CTNNA3: variants seen among roughly 807,000 people sequenced by gnomAD.
CTNNA3 encodes the protein catenin alpha 3.
In CTNNA3, 76 loss-of-function variants were observed where a neutral mutation model predicts 95.7. The ratio of observed to expected loss-of-function variants is 0.79; its 90% confidence interval spans 0.66 to 0.96. The LOEUF is 0.96. CTNNA3 is among the 40% of genes least tolerant of loss of function. The pLI is 0.00. For missense variants in CTNNA3, 1,191 were observed against 1,089.8 expected, an observed-to-expected ratio of 1.09 and a Z score of -1.31; for synonymous variants, 431 against 374.4, an observed-to-expected ratio of 1.15 and a Z score of -1.74.
chr10:67,673,294 T>C (rs1176255002), intron 1 of CTNNA3, among the ~76,000 whole-genome samples: 1 of 148,480 alleles, frequency 6.7e-6, no homozygotes, highest in Non-Finnish European at 1.5e-5. Context: ...TATACAATCA[T>C]GTCATCTGCA....
At chr10:66,843,951 A>C (rs754823045) in intron 7 of CTNNA3, among the ~76,000 whole-genome samples, 17 of 152,242 alleles carry the variant, frequency 1.1e-4, no homozygotes, top group Non-Finnish European at 2.2e-4. Context: ...TTGACAAATA[A>C]TTGATGCCCA....
intron 3 of CTNNA3, among the ~76,000 whole-genome samples, chr10:67,548,713 T>C (rs1840921115): frequency 6.6e-6 from 1 of 151,954 alleles, no homozygotes; most frequent in Non-Finnish European, 1.5e-5. Flanking sequence ...CAATGTCTTA[T>C]ATATAACACC....
chr10:67,231,423 C>G (rs1458021302), intron 5 of CTNNA3, among the ~76,000 whole-genome samples: 2 of 152,208 alleles, frequency 1.3e-5, no homozygotes, highest in African/African-American at 2.4e-5. Flanking sequence ...AGACTGACAC[C>G]TCACAGGGCC....
At chr10:66,153,455 T>C (rs2133911004) in intron 13 of CTNNA3, among the ~76,000 whole-genome samples, 1 of 152,100 alleles carries the variant, frequency 6.6e-6, no homozygotes, top group Non-Finnish European at 1.5e-5. Flanking sequence ...TTACATACTT[T>C]GTGTGCCTAT....
intron 11 of CTNNA3, among the ~76,000 whole-genome samples, chr10:66,483,974 C>T (rs1839635517): frequency 6.6e-6 from 1 of 152,086 alleles, no homozygotes; most frequent in South Asian, 2.1e-4. Flanking sequence ...TTTTTCCCCA[C>T]TTTAGTTTAT....
At chr10:66,446,509 G>A (rs1482071282) in intron 11 of CTNNA3, among the ~76,000 whole-genome samples, 3 of 151,182 alleles carry the variant, frequency 2.0e-5, no homozygotes, top group Admixed American at 6.6e-5. Flanking sequence ...GGGATGCAAG[G>A]CTGGTTTAAC....
At chr10:66,063,790 T>C (rs1223259681) in intron 15 of CTNNA3, among the ~76,000 whole-genome samples, 3 of 152,134 alleles carry the variant, frequency 2.0e-5, no homozygotes, top group African/African-American at 7.2e-5. Context: ...AATTCTATTT[T>C]CATTATTGTA....
intron 5 of CTNNA3, among the ~76,000 whole-genome samples, chr10:67,294,426 C>T (rs1270683816): frequency 6.6e-6 from 1 of 152,022 alleles, no homozygotes; most frequent in Admixed American, 6.6e-5. Flanking sequence ...ATAATATGTT[C>T]CCTTCTGTTC....
At chr10:67,208,864 A>C (rs1193261413) in intron 6 of CTNNA3, among the ~76,000 whole-genome samples, 7 of 152,182 alleles carry the variant, frequency 4.6e-5, no homozygotes, top group Admixed American at 4.6e-4. Flanking sequence ...AAGATACACC[A>C]GGAAAATGCT....
chr10:66,620,109 C>T (rs553790915), intron 10 of CTNNA3, among the ~76,000 whole-genome samples: 5 of 152,040 alleles, frequency 3.3e-5, no homozygotes, highest in African/African-American at 4.8e-5. Flanking sequence ...ACTCTTTTAA[C>T]AACATAATGT....
At chr10:67,621,959 G>A (rs1409586751) in intron 2 of CTNNA3, among the ~76,000 whole-genome samples, 1 of 152,156 alleles carries the variant, frequency 6.6e-6, no homozygotes, top group Non-Finnish European at 1.5e-5. Flanking sequence ...CAGAGTAGTT[G>A]CAATAGAGAC....
At chr10:66,122,652 G>A (rs1292824812) in intron 13 of CTNNA3, among the ~76,000 whole-genome samples, 1 of 152,186 alleles carries the variant, frequency 6.6e-6, no homozygotes, top group East Asian at 1.9e-4. Flanking sequence ...TCATACTGCT[G>A]ATAAAGACAT....
chr10:66,536,676 C>T (rs1389035778), intron 10 of CTNNA3, among the ~76,000 whole-genome samples: 2 of 151,838 alleles, frequency 1.3e-5, no homozygotes, highest in African/African-American at 2.4e-5. Flanking sequence ...GATACTAATG[C>T]CTTTAACAGA....
At chr10:66,032,933 G>T (rs2133462346) in intron 15 of CTNNA3, among the ~76,000 whole-genome samples, 1 of 152,166 alleles carries the variant, frequency 6.6e-6, no homozygotes, top group Admixed American at 6.5e-5. Context: ...ACTTGCCCAA[G>T]GTCACCATGT....
chr10:66,594,519 A>G (rs1193943836), intron 10 of CTNNA3, among the ~76,000 whole-genome samples: 1 of 152,098 alleles, frequency 6.6e-6, no homozygotes, highest in Non-Finnish European at 1.5e-5. Flanking sequence ...TCAAGTCTGC[A>G]TCTCTTCATT....
At chr10:67,616,611 C>A (rs1252762801) in intron 2 of CTNNA3, among the ~76,000 whole-genome samples, 5 of 152,082 alleles carry the variant, frequency 3.3e-5, no homozygotes, top group Non-Finnish European at 5.9e-5. Flanking sequence ...TGGCATCTGG[C>A]CTGAGCAGCT....
chr10:66,608,246 T>A (rs1844199635), intron 10 of CTNNA3, among the ~76,000 whole-genome samples: 1 of 151,406 alleles, frequency 6.6e-6, no homozygotes, highest in Non-Finnish European at 1.5e-5. Context: ...ATCGGGGAGG[T>A]GAAAGGTCTC....
At chr10:66,522,459 T>C (rs1371519578) in intron 10 of CTNNA3, among the ~76,000 whole-genome samples, 1 of 152,108 alleles carries the variant, frequency 6.6e-6, no homozygotes, top group Non-Finnish European at 1.5e-5. Context: ...GTTACCTCCA[T>C]GCTGTTCTTA....
At chr10:67,130,477 G>A (rs996601419) in intron 7 of CTNNA3, among the ~76,000 whole-genome samples, 13 of 152,142 alleles carry the variant, frequency 8.5e-5, no homozygotes, top group African/African-American at 3.1e-4. Flanking sequence ...CACATTAGAA[G>A]TCACTCTGAG....
Sources: allele counts gnomAD v4.1 joint callset (sites outside exome capture counted in the v4.1 genomes callset), GRCh38; gene constraint gnomAD v4.1.1; transcripts MANE v1.5; gene names NCBI Gene and HGNC (gene_info 2026-07-23, HGNC 2026-07-21).